Variants in UBE2F observed in about 807,000 individuals in gnomAD.
UBE2F encodes the protein ubiquitin conjugating enzyme E2 F (putative).
UBE2F carries 5 observed loss-of-function variants against 29.6 expected under a neutral mutation model. That is an observed-to-expected ratio of 0.17 (90% CI 0.09 to 0.36). UBE2F has a LOEUF of 0.36. Among genes scored for constraint, UBE2F ranks in the 10% least tolerant of loss-of-function variants. The pLI, the probability that UBE2F is intolerant of heterozygous loss-of-function variation, is 1.00. For missense variants in UBE2F, 141 were observed against 228.5 expected, an observed-to-expected ratio of 0.62 and a Z score of 2.47; for synonymous variants, 66 against 81.8, an observed-to-expected ratio of 0.81 and a Z score of 1.04.
chr2:237,991,609 C>CTTTTTTTTTTTTTTT (rs774476848), intron 3 of UBE2F, among the ~76,000 whole-genome samples: 4 of 53,052 alleles, frequency 7.5e-5, no homozygotes, highest in Non-Finnish European at 1.0e-4. Context: ...TTCTTTCTTT[C>CTTTTTTTTTTTTTTT]TTTTTTTTTT....
At position 237,967,418 on chromosome 2, in the gene UBE2F, G is replaced by A. The variant is rs1427310144; in HGVS notation, c.-17+286G>A. On this transcript the variant is annotated intron_variant, in intron 1 of 9. Transcript: ENST00000272930. The surrounding 1 kb of genome is among the most constrained non-coding windows in gnomAD (Gnocchi z 6.3). The stretch of plus-strand genomic sequence containing the variant: ...GAGTGACCGCGGCGGCGGCGGCGGG[G>A]GACGGCCCGCGCCGAGCACCTGGTG... Among the ~76,000 whole-genome samples, 2 of 151,408 alleles carry A rather than the reference G, an allele frequency of 1.3e-5. No homozygotes were observed. The highest frequency in any genetic ancestry group is 2.1e-4 in the South Asian group (1 of 4,834).
rs1172901083 is a variant in UBE2F, at chr2:237,997,195, C to G, written c.214+2386C>G. ...TGAGCTGAGATTGGCCCAGTGCACT[C>G]CAGCCTGAGCGACAGAGCTGTCTCA... On this transcript the variant is annotated intron_variant, in intron 4 of 9. Transcript: ENST00000272930. Among the ~76,000 whole-genome samples the G allele has an allele frequency of 2.0e-5, 3 of 151,972 alleles. No individual in the cohort carries two copies. The East Asian group carries it at 5.8e-4, about 29-fold the overall frequency.
At chr2:237,979,501 G>C (rs528455384) in intron 2 of UBE2F, among the ~76,000 whole-genome samples, 21 of 152,240 alleles carry the variant, frequency 1.4e-4, no homozygotes, top group Non-Finnish European at 2.9e-5. Context: ...CTAGCAGGGC[G>C]GGCTCAGGGT....
At chr2:238,013,993 T>TAA (rs1208062224) in intron 4 of UBE2F, among the ~76,000 whole-genome samples, 1 of 152,224 alleles carries the variant, frequency 6.6e-6, no homozygotes, top group East Asian at 1.9e-4. Context: ...CACGTGTAGT[T>TAA]ACAGACATTC....
At chr2:238,010,243 G>C (rs748736762) in intron 4 of UBE2F, among the ~76,000 whole-genome samples, 33 of 151,860 alleles carry the variant, frequency 2.2e-4, no homozygotes, top group Non-Finnish European at 4.4e-4. Context: ...GCACAATCTT[G>C]GCTCACTGCA....
intron 2 of UBE2F, among the ~76,000 whole-genome samples, chr2:237,977,024 G>A (rs2063295450): frequency 6.6e-6 from 1 of 152,130 alleles, no homozygotes; most frequent in Non-Finnish European, 1.5e-5. Context: ...AGTTCAAGGA[G>A]GCTCTGCGTC....
chr2:237,972,213 C>A (rs1040311672), intron 1 of UBE2F, among the ~76,000 whole-genome samples: 2 of 152,176 alleles, frequency 1.3e-5, no homozygotes, highest in Non-Finnish European at 2.9e-5. Context: ...TGAGAAGATG[C>A]TTATTAAGGC....
intron 4 of UBE2F, among the ~76,000 whole-genome samples, chr2:237,997,135 G>A (rs1000243194): frequency 1.8e-4 from 27 of 152,186 alleles, no homozygotes; most frequent in Non-Finnish European, 1.6e-4. Flanking sequence ...GCTGAGGCAG[G>A]AGAATTGCTT....
Position 237,987,496 on chromosome 2 carries a change from C to T in UBE2F, c.119-467C>T, listed in dbSNP as rs59229906. On this transcript the variant is annotated intron_variant, in intron 2 of 9. Transcript: ENST00000272930. The stretch of plus-strand genomic sequence containing the variant: ...GGGCTTAAACACCAAATGAATGGCT[C>T]GTGGAAGAGGGACTGCGATGTCTGA... Among the ~76,000 whole-genome samples the T allele has an allele frequency of 1.7e-3, 258 of 152,144 alleles. 2 individuals are homozygous for T. Among genetic ancestry groups the T allele is most frequent in the African/African-American group, 5.9e-3 (245 of 41,516 alleles).
In UBE2F at chr2:238,016,513, C is replaced by CT. The variant is rs761621517; in HGVS notation, c.215-43dup. 3.0e-3 allele frequency: 3,816 copies of CT among 1,275,664 alleles called. 1 individual carries two copies. The highest frequency in any genetic ancestry group is 3.4e-3 in the Non-Finnish European group (3,196 of 928,580). The allele number at this position is 1,275,664 out of a possible 1,614,324, so 79.0% of individuals were successfully genotyped here. On this transcript the variant is annotated intron_variant, in intron 4 of 9. Transcript: ENST00000272930. ...TAACAGAGTGTTTGCTTTTTGTTTC[C>CT]TTTTTTTTTTAATTTAAAGGATTTT...
Position 237,982,148 on chromosome 2 carries a change from C to T in UBE2F, c.119-5815C>T, listed in dbSNP as rs1003197876. 6.6e-6 allele frequency among the ~76,000 whole-genome samples: 1 copy of T among 152,174 alleles called. No individual in the cohort carries two copies. The highest frequency in any genetic ancestry group is 2.1e-4 in the South Asian group (1 of 4,830). ...ACAAAGCTGTCAAATGTCAAACCAGCAAAACACTCCCCGAGTGGCGAATGT... is the reference window on the plus strand; with the variant it reads ...ACAAAGCTGTCAAATGTCAAACCAGTAAAACACTCCCCGAGTGGCGAATGT... On this transcript the variant is annotated intron_variant, in intron 2 of 9. Coordinates refer to ENST00000272930, the MANE Select transcript of UBE2F (RefSeq NM_080678.3). The surrounding 1 kb of genome is among the most constrained non-coding windows in gnomAD (Gnocchi z 4.1).
At chr2:238,001,826 A>G (rs896804330) in intron 4 of UBE2F, among the ~76,000 whole-genome samples, 3 of 152,094 alleles carry the variant, frequency 2.0e-5, no homozygotes, top group African/African-American at 7.2e-5. Flanking sequence ...TCTCAACAAA[A>G]AACAAAAAAC....
At chr2:238,007,214 C>T (rs1330799073) in intron 4 of UBE2F, among the ~76,000 whole-genome samples, 3 of 152,118 alleles carry the variant, frequency 2.0e-5, no homozygotes, top group Admixed American at 6.5e-5. Context: ...CTCTGCCTCC[C>T]GGGTTCAGGC....
intron 2 of UBE2F, among the ~76,000 whole-genome samples, chr2:237,978,276 T>A (rs988702215): frequency 6.6e-6 from 1 of 152,218 alleles, no homozygotes; most frequent in East Asian, 1.9e-4. Flanking sequence ...TGGGTGCTGC[T>A]GCATCACAGC....
rs2064817640 is a variant in UBE2F at position 238,040,595 on chromosome 2, G to C, written c.508-693G>C. On this transcript the variant is annotated intron_variant, in intron 9 of 9. Transcript: ENST00000272930. This position sits in a 1 kb window ranked among gnomAD's most constrained non-coding sequence, Gnocchi z 4.4. ...ATTCTTACGGCTCATACAGTCCCAT[G>C]GGATTTTACTCCTAACCTTGGGGAG... 2.0e-5 allele frequency among the ~76,000 whole-genome samples: 3 copies of C among 152,258 alleles called. No homozygotes were observed. The South Asian group carries it at 6.2e-4, about 32-fold the overall frequency.
intron 2 of UBE2F, among the ~76,000 whole-genome samples, chr2:237,975,807 T>A (rs921173769): frequency 6.6e-6 from 1 of 152,074 alleles, no homozygotes; most frequent in South Asian, 2.1e-4. Flanking sequence ...CCCAGCCAAT[T>A]TTTGTATTTT....
chr2:237,970,596 T>C (rs2063155564), intron 1 of UBE2F, among the ~76,000 whole-genome samples: 1 of 152,216 alleles, frequency 6.6e-6, no homozygotes, highest in African/African-American at 2.4e-5. Flanking sequence ...TTGAAACCTT[T>C]AGACCAGTGC....
Position 237,967,110 on chromosome 2 carries a change from C to T in UBE2F, c.-39C>T, listed in dbSNP as rs909699346. The T allele has an allele frequency of 4.5e-6, 6 of 1,340,850 alleles. No homozygotes were observed. The highest frequency in any genetic ancestry group is 5.8e-6 in the Non-Finnish European group (6 of 1,042,274). 83.1% of individuals were successfully genotyped at this position (1,340,850 alleles called of 1,614,324 possible). ...GCATGGTGTTGGGCGCCGGGCCCGC[C>T]TCGCCTGTCTCGGGGAGCCCAGGTG... On this transcript the variant is annotated 5_prime_UTR_variant, in exon 1 of 10. Coordinates refer to ENST00000272930, the MANE Select transcript of UBE2F (RefSeq NM_080678.3). The surrounding 1 kb of genome is among the most constrained non-coding windows in gnomAD (Gnocchi z 6.3).
At chr2:238,001,196 G>C (rs1478394698) in intron 4 of UBE2F, among the ~76,000 whole-genome samples, 1 of 151,956 alleles carries the variant, frequency 6.6e-6, no homozygotes, top group East Asian at 1.9e-4. Context: ...ACCACGCCCG[G>C]CTAATTTTGT....
Sources: allele counts gnomAD v4.1 joint callset (sites outside exome capture counted in the v4.1 genomes callset), GRCh38; gene constraint gnomAD v4.1.1; non-coding constraint Gnocchi (gnomAD v3.1); transcripts MANE v1.5; gene names NCBI Gene and HGNC (gene_info 2026-07-23, HGNC 2026-07-21).